Variants in LINGO2 observed in about 807,000 individuals in gnomAD.
LINGO2 encodes the protein leucine-rich repeat and immunoglobulin-like domain-containing nogo receptor-interacting protein 2.
A neutral mutation model predicts 30.6 loss-of-function variants in LINGO2; 14 were observed. The observed-to-expected ratio is 0.46, with a 90% CI of 0.30 to 0.72. The LOEUF is 0.72. Ranked by LOEUF, LINGO2 falls within the 30% of genes least tolerant of loss-of-function variation. LINGO2 has a pLI of 0.07. For synonymous variants in LINGO2, 317 were observed against 288.5 expected (o/e 1.10, Z -1.00); for missense variants, 729 against 751.7 (o/e 0.97, Z 0.35).
At chr9:28,079,816 A>G (rs936077359) in intron 4 of LINGO2, among the ~76,000 whole-genome samples, 3 of 152,196 alleles carry the variant, frequency 2.0e-5, no homozygotes, top group African/African-American at 7.2e-5. Context: ...CATCCTTGAC[A>G]TCTTCTGTTG....
At chr9:28,914,707 G>T in the LINGO2 span, among the ~76,000 whole-genome samples, 1 of 152,150 alleles carries the variant, frequency 6.6e-6, no homozygotes, top group South Asian at 2.1e-4. Flanking sequence ...AAGGACTTGA[G>T]TATGAGTAGA....
At chr9:28,104,483 G>A (rs868240648) in intron 4 of LINGO2, among the ~76,000 whole-genome samples, 5 of 151,480 alleles carry the variant, frequency 3.3e-5, no homozygotes, top group Admixed American at 6.6e-5. Flanking sequence ...TGTATGAGGC[G>A]CAAACCTAAT....
intron 4 of LINGO2, among the ~76,000 whole-genome samples, chr9:28,155,946 C>A (rs551337621): frequency 6.6e-6 from 1 of 152,192 alleles, no homozygotes; most frequent in African/African-American, 2.4e-5. Flanking sequence ...GACTTCCCAG[C>A]CTCAGAACTG....
the LINGO2 span, among the ~76,000 whole-genome samples, chr9:29,142,661 A>G: frequency 3.3e-5 from 5 of 152,022 alleles, no homozygotes; most frequent in East Asian, 9.6e-4. Flanking sequence ...AATAAAGGCC[A>G]TATATGAAAA....
At chr9:28,670,784 T>C (rs1225993121), upstream of LINGO2, among the ~76,000 whole-genome samples, 1 of 152,148 alleles carries the variant, frequency 6.6e-6, no homozygotes, top group Non-Finnish European at 1.5e-5. Context: ...TCTGATAAGT[T>C]AATATGCAAT....
the LINGO2 span, among the ~76,000 whole-genome samples, chr9:28,926,130 T>C: frequency 6.6e-6 from 1 of 152,136 alleles, no homozygotes; most frequent in Non-Finnish European, 1.5e-5. Context: ...CTGGCCAACA[T>C]GGTGAAACCC....
chr9:28,941,870 C>T, the LINGO2 span, among the ~76,000 whole-genome samples: 1 of 152,094 alleles, frequency 6.6e-6, no homozygotes, highest in African/African-American at 2.4e-5. Flanking sequence ...TGGAGAAAAG[C>T]TTGATCAAGT....
At chr9:28,493,276 G>A (rs1382041922) in intron 1 of LINGO2, among the ~76,000 whole-genome samples, 1 of 152,038 alleles carries the variant, frequency 6.6e-6, no homozygotes, top group Non-Finnish European at 1.5e-5. Context: ...TCTTTCTCCA[G>A]AACTAAAAAC....
At chr9:28,292,200 G>A (rs1288916395) in intron 4 of LINGO2, among the ~76,000 whole-genome samples, 1 of 152,196 alleles carries the variant, frequency 6.6e-6, no homozygotes, top group Non-Finnish European at 1.5e-5. Flanking sequence ...GAGCCAGCCT[G>A]CCTGAGTCCA....
intron 4 of LINGO2, among the ~76,000 whole-genome samples, chr9:28,248,071 G>C (rs896370817): frequency 2.0e-5 from 3 of 152,130 alleles, no homozygotes; most frequent in African/African-American, 7.2e-5. Flanking sequence ...ACTGAAAACA[G>C]AGCTACAATA....
intron 4 of LINGO2, among the ~76,000 whole-genome samples, chr9:28,220,802 A>T (rs1187922333): frequency 6.6e-6 from 1 of 151,736 alleles, no homozygotes. Flanking sequence ...TCCATGCCAG[A>T]TCTGTATCTC....
chr9:28,787,193 A>G, the LINGO2 span, among the ~76,000 whole-genome samples: 2 of 152,168 alleles, frequency 1.3e-5, no homozygotes, highest in African/African-American at 4.8e-5. Flanking sequence ...GGAGGGGAAT[A>G]AATCCATCCA....
the LINGO2 span, among the ~76,000 whole-genome samples, chr9:28,844,442 A>C: frequency 6.6e-6 from 1 of 151,928 alleles, no homozygotes; most frequent in Non-Finnish European, 1.5e-5. Flanking sequence ...TGGTTCTGTC[A>C]AGGCACTGAC....
the LINGO2 span, among the ~76,000 whole-genome samples, chr9:29,023,733 C>A: frequency 6.6e-6 from 1 of 152,110 alleles, no homozygotes; most frequent in Non-Finnish European, 1.5e-5. Context: ...CACCAGCACA[C>A]ATAAGATTAA....
At chr9:28,453,994 G>C (rs1564208920) in intron 2 of LINGO2, among the ~76,000 whole-genome samples, 1 of 151,984 alleles carries the variant, frequency 6.6e-6, no homozygotes, top group East Asian at 1.9e-4. Flanking sequence ...GGTGAAATGA[G>C]AAGTCCGAAA....
At chr9:29,059,933 T>C in the LINGO2 span, among the ~76,000 whole-genome samples, 1 of 152,064 alleles carries the variant, frequency 6.6e-6, no homozygotes, top group Non-Finnish European at 1.5e-5. Context: ...CACAGCTGAA[T>C]GGCAGGGTAA....
intron 1 of LINGO2, among the ~76,000 whole-genome samples, chr9:28,489,847 G>A (rs184061683): frequency 5.8e-5 from 8 of 137,130 alleles, no homozygotes; most frequent in African/African-American, 2.0e-4. Flanking sequence ...GCAGTTAGCC[G>A]AGATTGCACC....
At chr9:28,375,129 CACACATACA>C (rs1394240276) in intron 2 of LINGO2, among the ~76,000 whole-genome samples, 62 of 113,526 alleles carry the variant, frequency 5.5e-4, no homozygotes, top group Admixed American at 1.1e-3. Context: ...CACACACACA[CACACATACA>C]CCCCACACTA....
chr9:28,170,308 G>T (rs748778616), intron 4 of LINGO2, among the ~76,000 whole-genome samples: 2 of 152,126 alleles, frequency 1.3e-5, no homozygotes, highest in African/African-American at 2.4e-5. Context: ...AATACAAAAA[G>T]TTCACAAGGT....
Sources: allele counts gnomAD v4.1 joint callset (sites outside exome capture counted in the v4.1 genomes callset), GRCh38; gene constraint gnomAD v4.1.1; transcripts MANE v1.5; gene names NCBI Gene and HGNC (gene_info 2026-07-23, HGNC 2026-07-21).